Variants in STARD13 observed in about 807,000 individuals in gnomAD.
STARD13 encodes the protein stAR-related lipid transfer protein 13.
Under a neutral mutation model 106.4 loss-of-function variants are expected in STARD13, and 62 were observed. The observed-to-expected ratio is 0.58, with a 90% CI of 0.48 to 0.72. The LOEUF is 0.72. Ranked by LOEUF, STARD13 falls within the 30% of genes least tolerant of loss-of-function variation. STARD13 has a pLI of 0.00. For missense variants in STARD13, 1,387 were observed against 1,424.0 expected, an observed-to-expected ratio of 0.97 and a Z score of 0.42; for synonymous variants, 565 against 553.0, an observed-to-expected ratio of 1.02 and a Z score of -0.31.
intron 1 of STARD13, among the ~76,000 whole-genome samples, chr13:33,320,234 C>G (rs1312422309): frequency 6.6e-6 from 1 of 152,178 alleles, no homozygotes; most frequent in Admixed American, 6.5e-5. Context: ...AGCTATTTAA[C>G]AGGAGAATAC....
the STARD13 span, among the ~76,000 whole-genome samples, chr13:33,610,663 G>A: frequency 7.4e-4 from 113 of 152,368 alleles, no homozygotes; most frequent in Middle Eastern, 3.4e-3. Flanking sequence ...GTTAGTAAGA[G>A]CTTATCCTGT....
At chr13:33,435,688 T>C in the STARD13 span, among the ~76,000 whole-genome samples, 35 of 152,260 alleles carry the variant, frequency 2.3e-4, no homozygotes, top group Admixed American at 3.9e-4. Context: ...TCTAGAGAGA[T>C]AATTTAATTT....
chr13:33,364,609 G>T, the STARD13 span, among the ~76,000 whole-genome samples: 6 of 152,228 alleles, frequency 3.9e-5, no homozygotes, highest in African/African-American at 1.4e-4. Context: ...AAAAGAGGAG[G>T]CTGGGCGCGG....
chr13:33,176,715 T>A (rs117998191), intron 1 of STARD13, among the ~76,000 whole-genome samples: 2,482 of 152,292 alleles, frequency 0.016, 30 homozygotes, highest in Non-Finnish European at 0.028. Flanking sequence ...ATGCTGCAAC[T>A]CCCTTTTGTC....
upstream of STARD13, among the ~76,000 whole-genome samples, chr13:33,289,936 C>T (rs1012931588): frequency 1.1e-4 from 16 of 149,314 alleles, no homozygotes; most frequent in African/African-American, 3.4e-4. Context: ...GCATTCTGTC[C>T]GTCCTCAAGG....
chr13:33,602,120 T>C, the STARD13 span, among the ~76,000 whole-genome samples: 2 of 150,684 alleles, frequency 1.3e-5, no homozygotes, highest in African/African-American at 4.9e-5. Flanking sequence ...AGATGGAGTT[T>C]TGCTCTTGTC....
At chr13:33,132,325 G>T (rs1878423348) in intron 4 of STARD13, among the ~76,000 whole-genome samples, 1 of 152,112 alleles carries the variant, frequency 6.6e-6, no homozygotes, top group Admixed American at 6.5e-5. Flanking sequence ...ATTGAATCGT[G>T]GGGGTGGTTC....
At chr13:33,221,384 G>A (rs1888346355) in intron 1 of STARD13, among the ~76,000 whole-genome samples, 1 of 152,202 alleles carries the variant, frequency 6.6e-6, no homozygotes, top group African/African-American at 2.4e-5. Context: ...CTTCACCCAT[G>A]TTGTAGCACG....
the STARD13 span, among the ~76,000 whole-genome samples, chr13:33,625,534 C>A: frequency 3.3e-5 from 5 of 151,922 alleles, no homozygotes; most frequent in Admixed American, 2.6e-4. Flanking sequence ...TGCACCACTG[C>A]ACTCCAGCCT....
the STARD13 span, among the ~76,000 whole-genome samples, chr13:33,580,993 C>T: frequency 6.6e-6 from 1 of 152,102 alleles, no homozygotes; most frequent in Non-Finnish European, 1.5e-5. Context: ...TATTTATGTT[C>T]TTCTGTTTAA....
the STARD13 span, among the ~76,000 whole-genome samples, chr13:33,462,995 G>GT: frequency 6.6e-6 from 1 of 152,220 alleles, no homozygotes; most frequent in Non-Finnish European, 1.5e-5. Context: ...ATATACCTCT[G>GT]TATCTCTCAA....
At chr13:33,146,481 A>C (rs1357266447) in intron 3 of STARD13, among the ~76,000 whole-genome samples, 1 of 152,192 alleles carries the variant, frequency 6.6e-6, no homozygotes, top group Non-Finnish European at 1.5e-5. Flanking sequence ...AGGACCCTGT[A>C]GCTGAAAAAA....
At chr13:33,406,661 G>T in the STARD13 span, among the ~76,000 whole-genome samples, 1 of 152,128 alleles carries the variant, frequency 6.6e-6, no homozygotes, top group South Asian at 2.1e-4. Context: ...GCACATCCAA[G>T]CCTCCTCGCA....
the STARD13 span, among the ~76,000 whole-genome samples, chr13:33,650,407 G>A: frequency 6.6e-6 from 1 of 151,060 alleles, no homozygotes; most frequent in South Asian, 2.1e-4. Flanking sequence ...AGCCGGGATG[G>A]TCTCGATCTC....
chr13:33,448,827 A>G, the STARD13 span, among the ~76,000 whole-genome samples: 3 of 152,082 alleles, frequency 2.0e-5, no homozygotes, highest in African/African-American at 7.2e-5. Context: ...ATCTATTTGC[A>G]TTTCCCCGAT....
chr13:33,350,251 C>T (rs748804162), intron 1 of STARD13: 4 of 1,509,292 alleles, frequency 2.7e-6, no homozygotes, highest in Non-Finnish European at 3.5e-6. Context: ...CCGGCGCCTC[C>T]CCCGCCCCCG....
At chr13:33,235,395 TCCCA>T (rs1889136982) in intron 1 of STARD13, among the ~76,000 whole-genome samples, 1 of 152,216 alleles carries the variant, frequency 6.6e-6, no homozygotes, top group African/African-American at 2.4e-5. Flanking sequence ...CCCATCTGAT[TCCCA>T]GGTTTGAGAA....
intron 1 of STARD13, among the ~76,000 whole-genome samples, chr13:33,315,505 A>T (rs926821004): frequency 6.6e-6 from 1 of 152,200 alleles, no homozygotes; most frequent in Non-Finnish European, 1.5e-5. Flanking sequence ...AAGACCCTTA[A>T]GACCCTTAAT....
At chr13:33,161,988 TC>T (rs1013510029) in intron 3 of STARD13, among the ~76,000 whole-genome samples, 1 of 152,050 alleles carries the variant, frequency 6.6e-6, no homozygotes, top group African/African-American at 2.4e-5. Context: ...TCAAATTATC[TC>T]CCACCGGGTC....
Sources: allele counts gnomAD v4.1 joint callset (sites outside exome capture counted in the v4.1 genomes callset), GRCh38; gene constraint gnomAD v4.1.1; transcripts MANE v1.5; gene names NCBI Gene and HGNC (gene_info 2026-07-23, HGNC 2026-07-21).